Variants in DACH1 observed in about 807,000 individuals in gnomAD.
The protein encoded by DACH1 is dachshund homolog 1.
In DACH1, 12 loss-of-function variants were observed where a neutral mutation model predicts 54.2. The observed-to-expected ratio is 0.22, with a 90% CI of 0.14 to 0.36. The LOEUF (loss-of-function observed/expected upper bound fraction) is 0.36, where lower values mean the gene tolerates loss of function less well. Ranked by LOEUF, DACH1 falls within the 10% of genes least tolerant of loss-of-function variation. The pLI is 1.00. For synonymous variants in DACH1, 386 were observed against 366.2 expected, an observed-to-expected ratio of 1.05 and a Z score of -0.62; for missense variants, 805 against 929.8, an observed-to-expected ratio of 0.87 and a Z score of 1.75.
At chr13:71,650,037 T>TACACAAAA (rs1484614855) in intron 2 of DACH1, among the ~76,000 whole-genome samples, 1 of 152,160 alleles carries the variant, frequency 6.6e-6, no homozygotes, top group African/African-American at 2.4e-5. Context: ...AGCTACCCCA[T>TACACAAAA]GATACACACA....
intron 1 of DACH1, among the ~76,000 whole-genome samples, chr13:71,824,435 C>G (rs1229418277): frequency 6.6e-6 from 1 of 151,834 alleles, no homozygotes; most frequent in Non-Finnish European, 1.5e-5. Context: ...CTGAATGTCA[C>G]ATAAACATGA....
intron 6 of DACH1, among the ~76,000 whole-genome samples, chr13:71,508,100 G>A (rs1448891896): frequency 6.6e-6 from 1 of 151,932 alleles, no homozygotes; most frequent in African/African-American, 2.4e-5. Context: ...TCTTCTTCAG[G>A]GTCATTATGG....
chr13:71,815,203 G>T (rs778127351), intron 1 of DACH1, among the ~76,000 whole-genome samples: 1 of 152,006 alleles, frequency 6.6e-6, no homozygotes, highest in Non-Finnish European at 1.5e-5. Flanking sequence ...TGTATAACAT[G>T]TGCAACCTTT....
chr13:71,829,236 A>G (rs1404220697), intron 1 of DACH1, among the ~76,000 whole-genome samples: 2 of 152,034 alleles, frequency 1.3e-5, no homozygotes, highest in Non-Finnish European at 2.9e-5. Flanking sequence ...TGAAGTCATC[A>G]TCGGGCTTGG....
At chr13:71,570,562 C>G (rs1279071959) in intron 4 of DACH1, among the ~76,000 whole-genome samples, 1 of 152,198 alleles carries the variant, frequency 6.6e-6, no homozygotes, top group Non-Finnish European at 1.5e-5. Context: ...ATCCACAACT[C>G]CCTTTAATCT....
At chr13:71,804,961 T>C (rs1012747004) in intron 1 of DACH1, among the ~76,000 whole-genome samples, 3 of 152,188 alleles carry the variant, frequency 2.0e-5, no homozygotes, top group African/African-American at 7.2e-5. Context: ...GTACCCTTCA[T>C]GTTATGGATC....
At chr13:71,798,708 T>A (rs552538346) in intron 1 of DACH1, among the ~76,000 whole-genome samples, 28 of 152,174 alleles carry the variant, frequency 1.8e-4, no homozygotes, top group Admixed American at 7.2e-4. Flanking sequence ...AATAACCAAC[T>A]AATTTGCAGA....
rs1884044547 is a variant in DACH1, at chr13:71,735,498, G to GTATATGGGA, written c.849-53589_849-53588insTCCCATATA. Among the ~76,000 whole-genome samples, 2 of 133,268 alleles carry GTATATGGGA rather than the reference G, an allele frequency of 1.5e-5. 1 individual carries two copies. The highest frequency in any genetic ancestry group is 1.5e-4 in the Admixed American group (2 of 13,780). 87.4% of individuals were successfully genotyped at this position (133,268 alleles called of 152,430 possible). ...ATATACGTGTATATGGGATATACACGTATACGGGATATACGTGTATATGGG... is the reference window on the plus strand; with the variant it reads ...ATATACGTGTATATGGGATATACACGTATATGGGATATACGGGATATACGTGTATATGGG... On this transcript the variant is annotated intron_variant, in intron 1 of 10. Coordinates refer to ENST00000613252, the MANE Select transcript of DACH1 (RefSeq NM_080759.6).
Position 71,482,598 on chromosome 13 carries a change from A to G in DACH1, c.1723-3282T>C, listed in dbSNP as rs190790766. On this transcript the variant is annotated intron_variant, in intron 7 of 10. Coordinates refer to ENST00000613252, the MANE Select transcript of DACH1 (RefSeq NM_080759.6). ...AAAACCAAGATGCAGAAGAATCAAG[A>G]GACTGACTGAAAATCCCAAATACTG... Among the ~76,000 whole-genome samples, 21 of 152,316 alleles carry G rather than the reference A, an allele frequency of 1.4e-4. No homozygotes were observed. In the East Asian group the frequency reaches 3.1e-3, roughly 22 times the overall value.
chr13:71,660,172 T>C (rs1369118258), intron 2 of DACH1, among the ~76,000 whole-genome samples: 4 of 152,142 alleles, frequency 2.6e-5, no homozygotes, highest in Non-Finnish European at 5.9e-5. Context: ...GAAATTTTGA[T>C]GTATAAGTGC....
intron 3 of DACH1, among the ~76,000 whole-genome samples, chr13:71,596,085 C>T (rs1337498299): frequency 6.6e-6 from 1 of 150,746 alleles, no homozygotes; most frequent in Non-Finnish European, 1.5e-5. Flanking sequence ...GGTGGGGACA[C>T]TAACATTCAC....
chr13:71,462,909 CACACACAT>C (rs67727746), intron 10 of DACH1, among the ~76,000 whole-genome samples: 79,685 of 126,870 alleles, frequency 0.63, 22,920 homozygotes, highest in East Asian at 0.73. Context: ...CACACACACA[CACACACAT>C]AAACCATGAA....
At chr13:71,828,483 A>T (rs1202316073) in intron 1 of DACH1, among the ~76,000 whole-genome samples, 1 of 152,036 alleles carries the variant, frequency 6.6e-6, no homozygotes, top group Non-Finnish European at 1.5e-5. Flanking sequence ...ATAAAAAATA[A>T]TGTTCTTAAA....
At chr13:71,833,731 G>A (rs1296447657) in intron 1 of DACH1, among the ~76,000 whole-genome samples, 1 of 151,958 alleles carries the variant, frequency 6.6e-6, no homozygotes, top group Non-Finnish European at 1.5e-5. Flanking sequence ...ACCTTCGACA[G>A]TGTCATGCAG....
At chr13:71,724,310 G>T (rs7983421) in intron 1 of DACH1, among the ~76,000 whole-genome samples, 38,547 of 152,116 alleles carry the variant, frequency 0.25, 12,047 homozygotes, top group African/African-American at 0.74. Flanking sequence ...AAGACAGCTT[G>T]CTATACTTGG....
chr13:71,776,560 C>T (rs1047404863), intron 1 of DACH1, among the ~76,000 whole-genome samples: 5 of 151,748 alleles, frequency 3.3e-5, no homozygotes, highest in Admixed American at 1.3e-4. Context: ...CTATAATAAG[C>T]AATAAAAAAG....
intron 6 of DACH1, among the ~76,000 whole-genome samples, chr13:71,497,402 G>A (rs1879526633): frequency 6.6e-6 from 1 of 151,856 alleles, no homozygotes; most frequent in African/African-American, 2.4e-5. Flanking sequence ...CTCAATCTCG[G>A]CTCACGGCAA....
At chr13:71,527,482 G>A (rs1882068307) in intron 6 of DACH1, among the ~76,000 whole-genome samples, 1 of 152,124 alleles carries the variant, frequency 6.6e-6, no homozygotes, top group South Asian at 2.1e-4. Context: ...TAACTAAGAT[G>A]GCATGAGGAT....
intron 1 of DACH1, among the ~76,000 whole-genome samples, chr13:71,759,620 T>C (rs1885319040): frequency 6.6e-6 from 1 of 152,200 alleles, no homozygotes; most frequent in South Asian, 2.1e-4. Flanking sequence ...CTGGAGGCTC[T>C]TGAACTATAG....
Sources: allele counts gnomAD v4.1 joint callset (sites outside exome capture counted in the v4.1 genomes callset), GRCh38; gene constraint gnomAD v4.1.1; transcripts MANE v1.5; gene names NCBI Gene and HGNC (gene_info 2026-07-23, HGNC 2026-07-21).